SLC16A7: variants seen among roughly 807,000 people sequenced by gnomAD.
The protein encoded by SLC16A7 is solute carrier family 16 member 7, also known as monocarboxylate transporter 2.
Under a neutral mutation model 34.9 loss-of-function variants are expected in SLC16A7, and 33 were observed. The ratio of observed to expected loss-of-function variants is 0.94; its 90% CI spans 0.72 to 1.26. The LOEUF is 1.26. Among genes scored for constraint, SLC16A7 ranks in the 50% most tolerant of loss-of-function variants. SLC16A7 has a pLI of 0.00. For missense variants in SLC16A7, 573 were observed against 578.1 expected (o/e 0.99, Z 0.09); for synonymous variants, 201 against 206.6 (o/e 0.97, Z 0.23).
intron 2 of SLC16A7, among the ~76,000 whole-genome samples, chr12:59,658,023 A>G (rs940094410): frequency 6.6e-6 from 1 of 151,968 alleles, no homozygotes; most frequent in Non-Finnish European, 1.5e-5. Context: ...CTCTAGTATG[A>G]GGAAAAACAA....
intron 2 of SLC16A7, among the ~76,000 whole-genome samples, chr12:59,681,939 C>A (rs1010692172): frequency 6.6e-6 from 1 of 150,790 alleles, no homozygotes; most frequent in African/African-American, 2.5e-5. Context: ...AGTCCTGAGA[C>A]CCCGAGAATC....
chr12:59,727,740 G>A (rs959498415), intron 3 of SLC16A7, among the ~76,000 whole-genome samples: 5 of 152,124 alleles, frequency 3.3e-5, no homozygotes, highest in Non-Finnish European at 5.9e-5. Flanking sequence ...GAGAGTATTT[G>A]AGCAAGTGAA....
At chr12:59,731,031 G>A (rs747744684) in intron 3 of SLC16A7, among the ~76,000 whole-genome samples, 1 of 152,092 alleles carries the variant, frequency 6.6e-6, no homozygotes, top group African/African-American at 2.4e-5. Flanking sequence ...TGCCAAGACA[G>A]GTCCTCAATG....
At chr12:59,724,976 G>A (rs949011625) in intron 3 of SLC16A7, among the ~76,000 whole-genome samples, 1 of 142,468 alleles carries the variant, frequency 7.0e-6, no homozygotes, top group South Asian at 2.1e-4. Flanking sequence ...TTCCTGCCAC[G>A]TAATGCATGC....
chr12:59,774,011 A>G (rs1882490537), intron 4 of SLC16A7, among the ~76,000 whole-genome samples: 2 of 152,186 alleles, frequency 1.3e-5, no homozygotes, highest in East Asian at 3.8e-4. Flanking sequence ...CATATAAACA[A>G]TCAGTGTTAA....
chr12:59,663,998 C>CTGATTTCT (rs1868994724), intron 2 of SLC16A7, among the ~76,000 whole-genome samples: 1 of 151,920 alleles, frequency 6.6e-6, no homozygotes, highest in Non-Finnish European at 1.5e-5. Context: ...TATTTCTCAT[C>CTGATTTCT]CACTGATAGA....
intron 1 of SLC16A7, among the ~76,000 whole-genome samples, chr12:59,618,327 T>C (rs1879547526): frequency 6.6e-6 from 1 of 151,992 alleles, no homozygotes; most frequent in South Asian, 2.1e-4. Context: ...GCTATACTAT[T>C]ATAAATGTAA....
chr12:59,681,119 G>T (rs1870711880), intron 2 of SLC16A7, among the ~76,000 whole-genome samples: 1 of 152,198 alleles, frequency 6.6e-6, no homozygotes, highest in African/African-American at 2.4e-5. Context: ...TCAAATCCAT[G>T]CCACACCTGA....
chr12:59,768,687 C>A (rs767156192), intron 3 of SLC16A7, among the ~76,000 whole-genome samples: 4 of 152,100 alleles, frequency 2.6e-5, no homozygotes, highest in Non-Finnish European at 5.9e-5. Context: ...ATGCAACAAA[C>A]TTGTTTGTCT....
intron 1 of SLC16A7, among the ~76,000 whole-genome samples, chr12:59,622,264 G>GA (rs1188246802): frequency 1.3e-5 from 2 of 151,744 alleles, no homozygotes; most frequent in Non-Finnish European, 2.9e-5. Flanking sequence ...CTTCCAGGCT[G>GA]AAAAAACGTA....
chr12:59,674,653 G>A (rs1352197126), intron 2 of SLC16A7, among the ~76,000 whole-genome samples: 2 of 152,060 alleles, frequency 1.3e-5, no homozygotes, highest in African/African-American at 4.8e-5. Flanking sequence ...GCTCTCTAAA[G>A]TAAGAGGTGC....
intron 1 of SLC16A7, among the ~76,000 whole-genome samples, chr12:59,606,632 C>T (rs1292473303): frequency 6.6e-6 from 1 of 152,052 alleles, no homozygotes; most frequent in Non-Finnish European, 1.5e-5. Flanking sequence ...GTGCCTCAGC[C>T]GATGTTTCAG....
intron 3 of SLC16A7, among the ~76,000 whole-genome samples, chr12:59,762,609 C>T (rs923975571): frequency 6.6e-6 from 1 of 151,932 alleles, no homozygotes; most frequent in East Asian, 1.9e-4. Context: ...TGCATAAGAA[C>T]AGAAACAGTA....
At chr12:59,733,920 C>T (rs547162623) in intron 3 of SLC16A7, 96 of 434,720 alleles carry the variant, frequency 2.2e-4, no homozygotes, top group South Asian at 6.1e-4. Context: ...GTAATCCTGA[C>T]GTCTGTGTGA....
At chr12:59,717,469 T>C (rs919239076) in intron 3 of SLC16A7, among the ~76,000 whole-genome samples, 1 of 152,214 alleles carries the variant, frequency 6.6e-6, no homozygotes, top group African/African-American at 2.4e-5. Flanking sequence ...TGTAAGTCCT[T>C]CTCATGAACA....
At position 59,788,641 on chromosome 12, in the gene SLC16A7, C is replaced by G. The variant is rs184993982; in HGVS notation, c.*8962C>G. ...TATAAGATAGAACCTTCTTTTTTTG[C>G]CTTCTTACACATGAATGTACTTAAA... On this transcript the variant is annotated 3_prime_UTR_variant, in exon 6 of 6. Coordinates refer to ENST00000547379, the MANE Select transcript of SLC16A7 (RefSeq NM_001270623.2). 2.0e-4 allele frequency: 31 copies of G among 151,710 alleles called. No homozygotes were observed. Among genetic ancestry groups the G allele is most frequent in the African/African-American group, 7.5e-4 (31 of 41,444 alleles). The allele number at this position is 151,710 out of a possible 1,614,324, so 9.4% of individuals were successfully genotyped here.
chr12:59,671,808 T>C (rs1171120019), intron 2 of SLC16A7, among the ~76,000 whole-genome samples: 1 of 141,976 alleles, frequency 7.0e-6, no homozygotes, highest in Non-Finnish European at 1.5e-5. Flanking sequence ...TGTATATATG[T>C]GTATATATAT....
intron 2 of SLC16A7, among the ~76,000 whole-genome samples, chr12:59,692,637 AT>A (rs1222093117): frequency 1.3e-5 from 2 of 151,860 alleles, no homozygotes; most frequent in Non-Finnish European, 2.9e-5. Flanking sequence ...GGTTTATATT[AT>A]TTTTTTCTAA....
chr12:59,617,302 T>A (rs1364751550), intron 1 of SLC16A7, among the ~76,000 whole-genome samples: 1 of 151,988 alleles, frequency 6.6e-6, no homozygotes, highest in Non-Finnish European at 1.5e-5. Flanking sequence ...TCCTACTTGA[T>A]ATTGGACAGG....
Sources: gnomAD v4.1 joint callset for allele counts (sites outside exome capture counted in the v4.1 genomes callset) on GRCh38, gnomAD v4.1.1 for gene constraint, MANE v1.5 for transcripts, NCBI Gene and HGNC (gene_info 2026-07-23, HGNC 2026-07-21) for gene names.